The following EPM2A variants were observed in gnomAD, a reference collection of about 807,000 sequenced individuals.
The protein encoded by EPM2A is laforin.
Under a neutral mutation model 26.5 loss-of-function variants are expected in EPM2A, and 21 were observed. The ratio of observed to expected loss-of-function variants is 0.79; its 90% CI spans 0.56 to 1.14. The LOEUF (loss-of-function observed/expected upper bound fraction) is 1.14, where lower values mean the gene tolerates loss of function less well. Among genes scored for constraint, EPM2A ranks in the 50% most tolerant of loss-of-function variants. The pLI is 0.00. For missense variants in EPM2A, 458 were observed against 440.8 expected (o/e 1.04, Z -0.35); for synonymous variants, 217 against 177.6 (o/e 1.22, Z -1.76).
At chr6:145,393,217 G>A (rs1778360776) in intron 4 of EPM2A, among the ~76,000 whole-genome samples, 1 of 152,040 alleles carries the variant, frequency 6.6e-6, no homozygotes, top group Non-Finnish European at 1.5e-5. Flanking sequence ...GAAAAGGAAA[G>A]ATACTCGAGT....
intron 2 of EPM2A, among the ~76,000 whole-genome samples, chr6:145,644,292 T>C (rs886966245): frequency 2.6e-5 from 4 of 152,212 alleles, no homozygotes; most frequent in African/African-American, 4.8e-5. Context: ...TTGCCTTTTT[T>C]TCGTGAATTC....
intron 2 of EPM2A, among the ~76,000 whole-genome samples, chr6:145,535,943 A>T (rs78657574): frequency 0.022 from 3,413 of 152,350 alleles, 46 homozygotes; most frequent in Admixed American, 0.031. Flanking sequence ...AGGGGAAAAA[A>T]TCCTTTTAAA....
intron 1 of EPM2A, among the ~76,000 whole-genome samples, chr6:145,717,327 A>G (rs141405435): frequency 0.014 from 2,103 of 152,346 alleles, 41 homozygotes; most frequent in African/African-American, 0.047. Context: ...GCAAATCAGT[A>G]AATGTAATCC....
At chr6:145,528,267 A>G (rs973430177) in intron 2 of EPM2A, among the ~76,000 whole-genome samples, 5 of 152,190 alleles carry the variant, frequency 3.3e-5, no homozygotes, top group African/African-American at 1.2e-4. Context: ...GAAGGTGGCT[A>G]CATTAAACAA....
intron 2 of EPM2A, among the ~76,000 whole-genome samples, chr6:145,506,079 TG>T (rs1231275425): frequency 3.9e-5 from 6 of 152,190 alleles, no homozygotes; most frequent in Admixed American, 3.9e-4. Flanking sequence ...TACTTACAAT[TG>T]GTAATCTACT....
chr6:145,601,115 G>A (rs1246861526), intron 2 of EPM2A, among the ~76,000 whole-genome samples: 1 of 152,150 alleles, frequency 6.6e-6, no homozygotes. Context: ...CTTTTTAGTA[G>A]CAATTCTCTG....
At chr6:145,472,479 G>C (rs935125981) in intron 4 of EPM2A, among the ~76,000 whole-genome samples, 1 of 152,034 alleles carries the variant, frequency 6.6e-6, no homozygotes, top group Non-Finnish European at 1.5e-5. Flanking sequence ...CTAATTCCAG[G>C]ACTTGACCTG....
chr6:145,541,799 G>C (rs1376997806), intron 2 of EPM2A, among the ~76,000 whole-genome samples: 1 of 152,054 alleles, frequency 6.6e-6, no homozygotes, highest in African/African-American at 2.4e-5. Flanking sequence ...AAAAATTCTT[G>C]TGCACAGGAA....
At chr6:145,467,065 G>C (rs1212517117) in intron 4 of EPM2A, among the ~76,000 whole-genome samples, 2 of 152,046 alleles carry the variant, frequency 1.3e-5, no homozygotes, top group African/African-American at 4.8e-5. Flanking sequence ...AGTGGGTGCA[G>C]CGCACCAGCA....
chr6:145,652,921 A>G (rs1777985837), intron 2 of EPM2A, among the ~76,000 whole-genome samples: 1 of 152,178 alleles, frequency 6.6e-6, no homozygotes, highest in Non-Finnish European at 1.5e-5. Flanking sequence ...TTAATTTCTG[A>G]CTGCTTTAAA....
intron 2 of EPM2A, among the ~76,000 whole-genome samples, chr6:145,571,345 C>T (rs974717292): frequency 6.6e-6 from 1 of 152,212 alleles, no homozygotes; most frequent in Admixed American, 6.5e-5. Context: ...TGATGGGCAA[C>T]ATGGTAAGAC....
At chr6:145,503,245 C>A (rs191373815) in intron 2 of EPM2A, among the ~76,000 whole-genome samples, 3 of 151,816 alleles carry the variant, frequency 2.0e-5, no homozygotes, top group Admixed American at 2.0e-4. Context: ...CTGGCCAGGG[C>A]AATCAGGCAG....
chr6:145,408,081 A>G (rs1778593411), intron 4 of EPM2A, among the ~76,000 whole-genome samples: 1 of 152,134 alleles, frequency 6.6e-6, no homozygotes, highest in African/African-American at 2.4e-5. Flanking sequence ...TTTTTGCCTT[A>G]AATTTGAAAC....
intron 1 of EPM2A, among the ~76,000 whole-genome samples, chr6:145,716,930 A>G (rs1043242561): frequency 1.3e-5 from 2 of 152,140 alleles, no homozygotes; most frequent in African/African-American, 4.8e-5. Context: ...TAAATGAGAA[A>G]AGATCCTATT....
At chr6:145,386,437 C>T (rs1778262839) in intron 4 of EPM2A, among the ~76,000 whole-genome samples, 1 of 151,900 alleles carries the variant, frequency 6.6e-6, no homozygotes, top group African/African-American at 2.4e-5. Context: ...ATGTAGGAAA[C>T]TTAGGAATCA....
rs77107256 is a variant in EPM2A at position 145,564,543 on chromosome 6, C to G, written c.341-61968G>C. Among the ~76,000 whole-genome samples, 762 of 152,258 alleles carry G rather than the reference C, an allele frequency of 5.0e-3. 4 individuals are homozygous for G. Among genetic ancestry groups the G allele is most frequent in the African/African-American group, 0.018 (742 of 41,544 alleles). On this transcript the variant is annotated intron_variant, in intron 2 of 3. Coordinates refer to the EPM2A transcript ENST00000450221. ...ATTTGGCCACTGTATGATCAGTTAGCTGCCTAAAATTGGCTGAAGCTCAGC... is the reference window on the plus strand; with the variant it reads ...ATTTGGCCACTGTATGATCAGTTAGGTGCCTAAAATTGGCTGAAGCTCAGC...
At chr6:145,728,726 C>T (rs1240519504) in intron 1 of EPM2A, among the ~76,000 whole-genome samples, 12 of 152,134 alleles carry the variant, frequency 7.9e-5, no homozygotes. Flanking sequence ...GCAGCCTTGC[C>T]ATGTGGTAGA....
chr6:145,436,459 G>A (rs1242199154), intron 4 of EPM2A, among the ~76,000 whole-genome samples: 1 of 152,026 alleles, frequency 6.6e-6, no homozygotes, highest in Non-Finnish European at 1.5e-5. Flanking sequence ...ATTTCCACCA[G>A]CAATGCATTA....
intron 2 of EPM2A, among the ~76,000 whole-genome samples, chr6:145,536,100 G>A (rs968838738): frequency 2.6e-5 from 4 of 152,182 alleles, no homozygotes; most frequent in Admixed American, 2.0e-4. Flanking sequence ...GTTCTTTGTA[G>A]CCTATTGGCT....
Sources: gnomAD v4.1 joint callset for allele counts (sites outside exome capture counted in the v4.1 genomes callset) on GRCh38, gnomAD v4.1.1 for gene constraint, MANE v1.5 for transcripts, NCBI Gene and HGNC (gene_info 2026-07-23, HGNC 2026-07-21) for gene names.